The following ALDOC variants were observed in gnomAD, a reference collection of about 807,000 sequenced individuals.
ALDOC encodes fructose-bisphosphate aldolase C.
ALDOC carries 23 observed loss-of-function variants against 39.5 expected under a neutral mutation model. The ratio of observed to expected loss-of-function variants is 0.58; its 90% confidence interval spans 0.42 to 0.82. ALDOC has a LOEUF of 0.82. Ranked by LOEUF, ALDOC falls within the 40% of genes least tolerant of loss-of-function variation. The pLI is 0.00. For synonymous variants in ALDOC, 160 were observed against 182.6 expected, an observed-to-expected ratio of 0.88 and a Z score of 1.00; for missense variants, 356 against 479.1, an observed-to-expected ratio of 0.74 and a Z score of 2.40.
At position 28,574,479 on chromosome 17, in the gene ALDOC, C is replaced by T. The variant is rs1255460515; in HGVS notation, c.624+15G>A. The T allele has an allele frequency of 6.2e-7, 1 of 1,612,464 alleles. No homozygotes were observed. The highest frequency in any genetic ancestry group is 1.3e-5 in the African/African-American group (1 of 74,852). The stretch of plus-strand genomic sequence containing the variant: ...TGTCCCTGCAGTATGTTTGTGTGCC[C>T]AGGTGTGGACTCACCTTCTCTGTAA... On this transcript the variant is annotated intron_variant, in intron 6 of 8. Coordinates refer to ENST00000226253, the MANE Select transcript of ALDOC (RefSeq NM_005165.3).
At position 28,576,876 on chromosome 17, in the gene ALDOC, C is replaced by G; in HGVS notation, c.-88G>C. The G allele has an allele frequency of 5.1e-6, 5 of 985,482 alleles. No homozygotes were observed. Among genetic ancestry groups the G allele is most frequent in the Non-Finnish European group, 6.0e-6 (5 of 829,998 alleles). The allele number at this position is 985,482 out of a possible 1,614,324, so 61.0% of individuals were successfully genotyped here. On this transcript the variant is annotated 5_prime_UTR_variant, in exon 1 of 9. Coordinates refer to ENST00000226253, the MANE Select transcript of ALDOC (RefSeq NM_005165.3). Reference sequence around the variant, plus strand: ...ATCCGCAAACAGATGAGGCTGCAGCCCTGGCTCCCTCTGGTAAATGAGGCT... The same window carrying G: ...ATCCGCAAACAGATGAGGCTGCAGCGCTGGCTCCCTCTGGTAAATGAGGCT...
chr17:28,574,939 A>G lies in ALDOC; in HGVS notation c.379+13T>C. 6.2e-7 allele frequency: 1 copy of G among 1,614,144 alleles called. No homozygotes were observed. The highest frequency in any genetic ancestry group is 8.5e-7 in the Non-Finnish European group (1 of 1,180,008). Reference sequence around the variant, plus strand: ...TAACACCTCTTTGGTCCTCAAGCCCACCCATCCTATACCTTGAGTGGTGGT... The same window carrying G: ...TAACACCTCTTTGGTCCTCAAGCCCGCCCATCCTATACCTTGAGTGGTGGT... On this transcript the variant is annotated intron_variant, in intron 4 of 8. Coordinates refer to ENST00000226253, the MANE Select transcript of ALDOC (RefSeq NM_005165.3).
At chr17:28,574,317 G>A in intron 6 of ALDOC, 76 bp from the exon 7 acceptor site, 2 of 1,494,760 alleles carry the variant, frequency 1.3e-6, no homozygotes, top group Non-Finnish European at 1.8e-6. Context: ...CTATGTAGGG[G>A]TAGATGGGCA....
rs199985843 is a variant in ALDOC at position 28,573,843 on chromosome 17, C to T, written c.891G>A (p.Ala297=). Residue 297 remains alanine (A), a synonymous_variant, in exon 8 of 9, where the codon GCG becomes GCA. Transcript: ENST00000226253. The surrounding 1 kb of genome is among the most constrained non-coding windows in gnomAD (Gnocchi z 4.3). ...GGGCACGCCCATAGGAGAAGGTAAG[C>T]GCCCAGGGTCGGGGAAGGGGGCAGC... is the stretch of plus-strand genomic sequence containing the variant. The part of the protein sequence containing the change: ...INRCPLPRPW[A]LTFSYGRALQ... The T allele has an allele frequency of 4.3e-5, 69 of 1,614,224 alleles. No homozygotes were observed. In the East Asian group the frequency reaches 8.9e-4, roughly 21 times the overall value.
In ALDOC at chr17:28,573,972, C is replaced by A. The variant is rs2070457344; in HGVS notation, c.800-38G>T. On this transcript the variant is annotated intron_variant, in intron 7 of 8. Coordinates refer to ENST00000226253, the MANE Select transcript of ALDOC (RefSeq NM_005165.3). This position sits in a 1 kb window ranked among gnomAD's most constrained non-coding sequence, Gnocchi z 4.3. Reference sequence around the variant, plus strand: ...AGAGAAGACAAACTGACTGGTCACTCCCAATTTTTCCAGGATAGGGAACCC... The same window carrying A: ...AGAGAAGACAAACTGACTGGTCACTACCAATTTTTCCAGGATAGGGAACCC... 1 of 1,612,732 alleles carries A rather than the reference C, an allele frequency of 6.2e-7. No individual in the cohort carries two copies. The highest frequency in any genetic ancestry group is 1.3e-5 in the African/African-American group (1 of 74,864).
intron 6 of ALDOC, 111 bp from the exon 7 acceptor site, chr17:28,574,352 C>T: frequency 7.0e-7 from 1 of 1,437,090 alleles, no homozygotes; most frequent in Non-Finnish European, 9.6e-7. Flanking sequence ...TCAGTACAGG[C>T]TCAGATCACA....
Position 28,575,362 on chromosome 17 carries a change from G to C in ALDOC, c.113-28C>G. 1 of 1,614,192 alleles carries C rather than the reference G, an allele frequency of 6.2e-7. No individual in the cohort carries two copies. Among genetic ancestry groups the C allele is most frequent in the Non-Finnish European group, 8.5e-7 (1 of 1,180,026 alleles). On this transcript the variant is annotated intron_variant, in intron 2 of 8. Transcript: ENST00000226253. This position sits in a 1 kb window ranked among gnomAD's most constrained non-coding sequence, Gnocchi z 4.3. ...AGGGGCAAACAAAGAGAGGCAGTGA[G>C]AACATCCCCAGGGTCCCCTAGCCAC...
chr17:28,575,516 G>A lies in ALDOC; in HGVS notation c.17C>T (p.Pro6Leu), dbSNP rs199640193. MPHSY[P>L]ALSAEQKKEL... Reference sequence around the variant, plus strand: ...CTTCTTCTGCTCAGCAGAAAGGGCTGGGTACGAGTGAGGCATGGTGACAGC... The same window carrying A: ...CTTCTTCTGCTCAGCAGAAAGGGCTAGGTACGAGTGAGGCATGGTGACAGC... The change falls in exon 2 of 9, where the codon CCA (proline) becomes CTA (leucine). Residue 6 changes from proline (P) to leucine (L), a missense_variant. By Grantham distance (98) the Pro-to-Leu change is moderately conservative. Transcript: ENST00000226253. The surrounding 1 kb of genome is among the most constrained non-coding windows in gnomAD (Gnocchi z 4.3). The A allele has an allele frequency of 1.5e-5, 24 of 1,614,084 alleles. No homozygotes were observed. The African/African-American group carries it at 2.3e-4, about 15-fold the overall frequency.
rs1190031391 is a variant in ALDOC, at chr17:28,575,771, G to A, written c.-12-227C>T. ...TGGTAGGCATCCTTCCCAGCCCTGG[G>A]GAAAGATGCAGGGTGGGGGTGGGGA... On this transcript the variant is annotated intron_variant, in intron 1 of 8. Coordinates refer to ENST00000226253, the MANE Select transcript of ALDOC (RefSeq NM_005165.3). The surrounding 1 kb of genome is among the most constrained non-coding windows in gnomAD (Gnocchi z 4.3). The A allele has an allele frequency of 6.1e-6, 4 of 660,772 alleles. No individual in the cohort carries two copies. Among genetic ancestry groups the A allele is most frequent in the Non-Finnish European group, 9.7e-6 (4 of 414,204 alleles). 40.9% of individuals were successfully genotyped at this position (660,772 alleles called of 1,614,324 possible). A position where few individuals can be genotyped will look rare whatever the true frequency, so the allele number is the denominator to read the frequency against.
At position 28,573,656 on chromosome 17, in the gene ALDOC, C is replaced by T; in HGVS notation, c.1000-35G>A. On this transcript the variant is annotated intron_variant, in intron 8 of 8. Transcript: ENST00000226253. This position sits in a 1 kb window ranked among gnomAD's most constrained non-coding sequence, Gnocchi z 4.3. ...GGAGCGTGGAGTAAGCAGGCTGAGC[C>T]AGCCCACAGGTGCCAAGCCCTGCCC... The T allele has an allele frequency of 6.2e-7, 1 of 1,613,960 alleles. No homozygotes were observed. The highest frequency in any genetic ancestry group is 8.5e-7 in the Non-Finnish European group (1 of 1,179,846).
Position 28,575,895 on chromosome 17 carries a change from G to T in ALDOC, c.-12-351C>A. ...TGAACTTGGTCCCTTGTTGAGGTAG[G>T]CAAAAGTCCTGGCCTTTCCAGCTTC... On this transcript the variant is annotated intron_variant, in intron 1 of 8. Coordinates refer to ENST00000226253, the MANE Select transcript of ALDOC (RefSeq NM_005165.3). The surrounding 1 kb of genome is among the most constrained non-coding windows in gnomAD (Gnocchi z 4.3). The T allele has an allele frequency of 1.1e-6, 1 of 914,262 alleles. No homozygotes were observed. The highest frequency in any genetic ancestry group is 1.4e-6 in the Non-Finnish European group (1 of 732,836). The allele number at this position is 914,262 out of a possible 1,614,324, so 56.6% of individuals were successfully genotyped here. A position where few individuals can be genotyped will look rare whatever the true frequency, so the allele number is the denominator to read the frequency against.
rs1169909947 is a variant in ALDOC, at chr17:28,575,632, A to G, written c.-12-88T>C. ...GGCCAAATGGCCTCCCCATCAAGCA[A>G]GGGGCTGGGAACAGGGCAGCAGTCC... On this transcript the variant is annotated intron_variant, in intron 1 of 8. Transcript: ENST00000226253. The surrounding 1 kb of genome is among the most constrained non-coding windows in gnomAD (Gnocchi z 4.3). 4 of 1,485,942 alleles carry G rather than the reference A, an allele frequency of 2.7e-6. No homozygotes were observed. The African/African-American group carries it at 5.6e-5, about 21-fold the overall frequency. 92.0% of individuals were successfully genotyped at this position (1,485,942 alleles called of 1,614,324 possible). A position where few individuals can be genotyped will look rare whatever the true frequency, so the allele number is the denominator to read the frequency against.
Position 28,573,384 on chromosome 17 carries a change from G to T in ALDOC, c.*142C>A. ...TGGTCCCAGGTGCAGCAATGAGAGA[G>T]GGGAAGGGAAGAGAGAAAGGAAGAC... On this transcript the variant is annotated 3_prime_UTR_variant, in exon 9 of 9. Coordinates refer to ENST00000226253, the MANE Select transcript of ALDOC (RefSeq NM_005165.3). The surrounding 1 kb of genome is among the most constrained non-coding windows in gnomAD (Gnocchi z 4.3). 1 of 752,194 alleles carries T rather than the reference G, an allele frequency of 1.3e-6. No homozygotes were observed. The highest frequency in any genetic ancestry group is 2.3e-6 in the Non-Finnish European group (1 of 427,492). The allele number at this position is 752,194 out of a possible 1,614,324, so 46.6% of individuals were successfully genotyped here.
chr17:28,573,437 G>T lies in ALDOC; in HGVS notation c.*89C>A. On this transcript the variant is annotated 3_prime_UTR_variant, in exon 9 of 9. Coordinates refer to ENST00000226253, the MANE Select transcript of ALDOC (RefSeq NM_005165.3). This position sits in a 1 kb window ranked among gnomAD's most constrained non-coding sequence, Gnocchi z 4.3. ...GTTGGTGCCAGGTGAAGGCATCTCT[G>T]CTCTGCATAGCTATTTGGCCCTGGC... is the stretch of plus-strand genomic sequence containing the variant. 8.4e-7 allele frequency: 1 copy of T among 1,190,186 alleles called. No homozygotes were observed. Among genetic ancestry groups the T allele is most frequent in the South Asian group, 1.2e-5 (1 of 82,336 alleles). The allele number at this position is 1,190,186 out of a possible 1,614,324, so 73.7% of individuals were successfully genotyped here.
At chr17:28,574,028 G>T in intron 7 of ALDOC, 39 bp downstream of exon 7, 1 of 1,599,718 alleles carries the variant, frequency 6.3e-7, no homozygotes, top group Non-Finnish European at 8.5e-7. Context: ...CTGAAGATGG[G>T]CCTTAGGGAT....
At chr17:28,574,323 G>T in intron 6 of ALDOC, 82 bp from the exon 7 acceptor site, 1 of 1,480,590 alleles carries the variant, frequency 6.8e-7, no homozygotes, top group Non-Finnish European at 9.3e-7. Flanking sequence ...AGGGGTAGAT[G>T]GGCACAGACT....
In ALDOC at chr17:28,575,019, T is replaced by A. The variant is rs762152064; in HGVS notation, c.325-13A>T. 6.2e-7 allele frequency: 1 copy of A among 1,614,174 alleles called. No individual in the cohort carries two copies. Among genetic ancestry groups the A allele is most frequent in the Non-Finnish European group, 8.5e-7 (1 of 1,180,032 alleles). On this transcript the variant is annotated splice_polypyrimidine_tract_variant and intron_variant, in intron 3 of 8. Transcript: ENST00000226253. The surrounding 1 kb of genome is among the most constrained non-coding windows in gnomAD (Gnocchi z 4.3). ...CACCCTTGTCAACCTGTAGAGGAAG[T>A]ACAAGCAGAGGGTTGAATCCAGGCA...
chr17:28,575,013 A>G lies in ALDOC; in HGVS notation c.325-7T>C. ...GCACCACACCCTTGTCAACCTGTAG[A>G]GGAAGTACAAGCAGAGGGTTGAATC... On this transcript the variant is annotated splice_region_variant and splice_polypyrimidine_tract_variant and intron_variant, in intron 3 of 8. Coordinates refer to ENST00000226253, the MANE Select transcript of ALDOC (RefSeq NM_005165.3). The surrounding 1 kb of genome is among the most constrained non-coding windows in gnomAD (Gnocchi z 4.3). 1.2e-6 allele frequency: 2 copies of G among 1,614,178 alleles called. No individual in the cohort carries two copies. Among genetic ancestry groups the G allele is most frequent in the South Asian group, 1.1e-5 (1 of 91,084 alleles).
At chr17:28,574,324 G>T (rs934838217) in intron 6 of ALDOC, 83 bp from the exon 7 acceptor site, 2 of 1,479,498 alleles carry the variant, frequency 1.4e-6, no homozygotes, top group Non-Finnish European at 1.9e-6. Context: ...GGGGTAGATG[G>T]GCACAGACTG....
Sources: allele counts gnomAD v4.1 joint callset, GRCh38; gene constraint gnomAD v4.1.1; non-coding constraint Gnocchi (gnomAD v3.1); transcripts MANE v1.5; gene names NCBI Gene and HGNC (gene_info 2026-07-23, HGNC 2026-07-21).